The following PTPN12 variants were observed in gnomAD, a reference collection of about 807,000 sequenced individuals.
The protein encoded by PTPN12 is tyrosine-protein phosphatase non-receptor type 12.
Under a neutral mutation model 97.6 loss-of-function variants are expected in PTPN12, and 29 were observed. The ratio of observed to expected loss-of-function variants is 0.30; its 90% CI spans 0.22 to 0.41. The LOEUF is 0.41. Ranked by LOEUF, PTPN12 falls within the 10% of genes least tolerant of loss-of-function variation. PTPN12 has a pLI of 1.00. For missense variants in PTPN12, 819 were observed against 926.0 expected, an observed-to-expected ratio of 0.88 and a Z score of 1.50; for synonymous variants, 327 against 300.4, an observed-to-expected ratio of 1.09 and a Z score of -0.91.
intron 12 of PTPN12, 69 bp from the exon 13 acceptor site, chr7:77,626,636 C>T: frequency 2.7e-6 from 4 of 1,464,190 alleles, no homozygotes; most frequent in Non-Finnish European, 3.7e-6. Context: ...CTACTCTTAG[C>T]TACATAATTC....
intron 9 of PTPN12, among the ~76,000 whole-genome samples, chr7:77,608,066 A>T (rs1788436530): frequency 6.6e-6 from 1 of 152,000 alleles, no homozygotes; most frequent in African/African-American, 2.4e-5. Flanking sequence ...ATTGCCTTTT[A>T]TGTTTACTCT....
At chr7:77,568,051 T>TTA (rs1482860263) in intron 1 of PTPN12, among the ~76,000 whole-genome samples, 5 of 152,194 alleles carry the variant, frequency 3.3e-5, no homozygotes, top group Non-Finnish European at 5.9e-5. Context: ...TTTACTTGTT[T>TTA]TATGGACCAC....
At chr7:77,545,211 G>A (rs1376526983) in intron 1 of PTPN12, among the ~76,000 whole-genome samples, 3 of 152,134 alleles carry the variant, frequency 2.0e-5, no homozygotes, top group Non-Finnish European at 2.9e-5. Context: ...TAGTGAATTT[G>A]TGGGTATTTA....
At chr7:77,553,766 T>A (rs540392187) in intron 1 of PTPN12, among the ~76,000 whole-genome samples, 2 of 152,326 alleles carry the variant, frequency 1.3e-5, no homozygotes, top group South Asian at 4.1e-4. Flanking sequence ...TTTAGACCAT[T>A]CACGTTCAGA....
At position 77,626,814 on chromosome 7, in the gene PTPN12, A is replaced by G. The variant is rs1169953470; in HGVS notation, c.1135A>G (p.Thr379Ala). ...CCCTTCAGCTTTTCCAACAGTCACT[A>G]CTGTGTGGCAGGACAATGATAGATA... is the stretch of plus-strand genomic sequence containing the variant. ...SPPSAFPTVT[T>A]VWQDNDRYHP... The change falls in exon 13 of 18, where the codon ACT becomes GCT. Residue 379 changes from threonine to alanine, a missense_variant. Transcript: ENST00000248594. 9 of 1,614,032 alleles carry G rather than the reference A, an allele frequency of 5.6e-6. No individual in the cohort carries two copies. The highest frequency in any genetic ancestry group is 6.8e-6 in the Non-Finnish European group (8 of 1,179,936).
Position 77,537,447 on chromosome 7 carries a change from GACGTGCTGGGGGA to G in PTPN12, c.-96_-84del. 7.5e-7 allele frequency: 1 copy of G among 1,333,710 alleles called. No homozygotes were observed. Among genetic ancestry groups the G allele is most frequent in the Non-Finnish European group, 9.7e-7 (1 of 1,029,752 alleles). 82.6% of individuals were successfully genotyped at this position (1,333,710 alleles called of 1,614,324 possible). On this transcript the variant is annotated 5_prime_UTR_variant, in exon 1 of 18. Coordinates refer to ENST00000248594, the MANE Select transcript of PTPN12 (RefSeq NM_002835.4). ...GGGCTTGGCGGGGTCGGGAGGGAGG[GACGTGCTGGGGGA>G]ACGAGCTGGGGAAGACGGAGCGGGC...
chr7:77,538,086 C>G (rs143165058), intron 1 of PTPN12: 3 of 991,662 alleles, frequency 3.0e-6, no homozygotes, highest in Non-Finnish European at 3.6e-6. Context: ...TCGTGGCTGA[C>G]AGAGGAACGG....
intron 12 of PTPN12, among the ~76,000 whole-genome samples, chr7:77,620,903 A>G (rs1788910346): frequency 6.6e-6 from 1 of 152,170 alleles, no homozygotes; most frequent in Non-Finnish European, 1.5e-5. Flanking sequence ...AGCCAAGTTC[A>G]TGCCACTGCA....
At chr7:77,575,465 A>G (rs1341482588) in intron 2 of PTPN12, among the ~76,000 whole-genome samples, 6 of 152,164 alleles carry the variant, frequency 3.9e-5, no homozygotes, top group African/African-American at 1.4e-4. Context: ...CTATGATTGC[A>G]CCACTGCACT....
chr7:77,537,899 C>A, intron 1 of PTPN12: 2 of 564,352 alleles, frequency 3.5e-6, no homozygotes, highest in Non-Finnish European at 5.0e-6. Context: ...GCCGCGCGGC[C>A]GAGCCCGCAG....
intron 1 of PTPN12, among the ~76,000 whole-genome samples, chr7:77,556,008 T>C (rs1414220592): frequency 6.6e-6 from 1 of 152,224 alleles, no homozygotes; most frequent in Non-Finnish European, 1.5e-5. Context: ...TGGCATACTG[T>C]CTACTTTATC....
intron 2 of PTPN12, 48 bp downstream of exon 2, chr7:77,571,234 C>T (rs1184742332): frequency 2.7e-6 from 3 of 1,116,258 alleles, no homozygotes; most frequent in Non-Finnish European, 3.9e-6. Flanking sequence ...GCTAATTAGC[C>T]TTTTGTAACC....
chr7:77,582,762 T>A (rs181162775), intron 3 of PTPN12, among the ~76,000 whole-genome samples: 334 of 146,118 alleles, frequency 2.3e-3, no homozygotes, highest in Middle Eastern at 0.011. Flanking sequence ...CCAGTCTGGG[T>A]GACAGAGCAA....
chr7:77,629,288 A>G (rs1398381062), intron 13 of PTPN12, among the ~76,000 whole-genome samples: 2 of 152,242 alleles, frequency 1.3e-5, no homozygotes, highest in South Asian at 2.1e-4. Context: ...TTACAGAATT[A>G]TCTTTTCTTG....
At chr7:77,584,369 T>C (rs1200044372) in intron 4 of PTPN12, among the ~76,000 whole-genome samples, 1 of 152,226 alleles carries the variant, frequency 6.6e-6, no homozygotes, top group Non-Finnish European at 1.5e-5. Flanking sequence ...TTATATTTGC[T>C]GTACTTCACT....
At chr7:77,568,764 T>G (rs1480345180) in intron 1 of PTPN12, among the ~76,000 whole-genome samples, 1 of 152,256 alleles carries the variant, frequency 6.6e-6, no homozygotes, top group Non-Finnish European at 1.5e-5. Flanking sequence ...TTTTTCTCGC[T>G]GACATTGACC....
intron 14 of PTPN12, among the ~76,000 whole-genome samples, chr7:77,633,034 G>A (rs2034814890): frequency 6.6e-6 from 1 of 152,126 alleles, no homozygotes; most frequent in African/African-American, 2.4e-5. Flanking sequence ...ACCTTGGGAG[G>A]CTGAGATGCA....
intron 1 of PTPN12, among the ~76,000 whole-genome samples, chr7:77,540,821 C>T (rs539484057): frequency 6.6e-6 from 1 of 151,920 alleles, no homozygotes; most frequent in Non-Finnish European, 1.5e-5. Flanking sequence ...ATTCTGATGT[C>T]GATTAAAAAT....
At chr7:77,572,695 T>C (rs1383601062) in intron 2 of PTPN12, among the ~76,000 whole-genome samples, 1 of 152,188 alleles carries the variant, frequency 6.6e-6, no homozygotes, top group Non-Finnish European at 1.5e-5. Context: ...CTTGGACTGA[T>C]CCTCTCTGTG....
Sources: allele counts gnomAD v4.1 joint callset (sites outside exome capture counted in the v4.1 genomes callset), GRCh38; gene constraint gnomAD v4.1.1; transcripts MANE v1.5; gene names NCBI Gene and HGNC (gene_info 2026-07-23, HGNC 2026-07-21).